PRDM16: variants seen among roughly 807,000 people sequenced by gnomAD.
PRDM16 encodes the protein histone-lysine N-methyltransferase PRDM16.
Under a neutral mutation model 110.6 loss-of-function variants are expected in PRDM16, and 23 were observed. The ratio of observed to expected loss-of-function variants is 0.21; its 90% CI spans 0.15 to 0.29. PRDM16 has a LOEUF of 0.29. Ranked by LOEUF, PRDM16 falls within the 10% of genes least tolerant of loss-of-function variation. The pLI is 1.00. For synonymous variants in PRDM16, 799 were observed against 781.8 expected (o/e 1.02, Z -0.37); for missense variants, 1,615 against 1,794.3 (o/e 0.90, Z 1.81).
intron 3 of PRDM16, among the ~76,000 whole-genome samples, chr1:3,336,217 C>T (rs10797388): frequency 0.38 from 58,026 of 152,054 alleles, 12,197 homozygotes; most frequent in East Asian, 0.68. Context: ...ATCTTATGTG[C>T]GCATGTGTGC....
At position 3,213,384 on chromosome 1, in the gene PRDM16, G is replaced by A. The variant is rs1336713340; in HGVS notation, c.387+26910G>A. Among the ~76,000 whole-genome samples, 2 of 152,108 alleles carry A rather than the reference G, an allele frequency of 1.3e-5. No individual in the cohort carries two copies. The highest frequency in any genetic ancestry group is 2.4e-5 in the African/African-American group (1 of 41,420). ...GAGAGGGGTGTGGGGGCGGGATGGCGGGTCCTGGGCGTCTCGGCTCCGCCA... is the reference window on the plus strand; with the variant it reads ...GAGAGGGGTGTGGGGGCGGGATGGCAGGTCCTGGGCGTCTCGGCTCCGCCA... On this transcript the variant is annotated intron_variant, in intron 2 of 16. Transcript: ENST00000270722. The surrounding 1 kb of genome is among the most constrained non-coding windows in gnomAD (Gnocchi z 5.3).
chr1:3,355,168 G>A (rs561932522), intron 3 of PRDM16, among the ~76,000 whole-genome samples: 2 of 152,162 alleles, frequency 1.3e-5, no homozygotes, highest in African/African-American at 2.4e-5. Context: ...AGACCTGAAG[G>A]TGTGCCGGGG....
At chr1:3,333,142 C>T (rs1295823680) in intron 3 of PRDM16, among the ~76,000 whole-genome samples, 1 of 152,214 alleles carries the variant, frequency 6.6e-6, no homozygotes, top group Non-Finnish European at 1.5e-5. Flanking sequence ...CCTCAGCTTA[C>T]AGTGGCAGAG....
chr1:3,336,901 G>A (rs1642168537), intron 3 of PRDM16, among the ~76,000 whole-genome samples: 1 of 151,798 alleles, frequency 6.6e-6, no homozygotes, highest in Non-Finnish European at 1.5e-5. Context: ...ATGTGTGTTG[G>A]TGTGAGTCTG....
At chr1:3,283,439 A>C (rs759158115) in intron 3 of PRDM16, among the ~76,000 whole-genome samples, 19 of 152,238 alleles carry the variant, frequency 1.2e-4, no homozygotes, top group Non-Finnish European at 2.6e-4. Flanking sequence ...ATGGCATAGG[A>C]CAGCCCCAGG....
intron 2 of PRDM16, among the ~76,000 whole-genome samples, chr1:3,192,409 G>A (rs1439728638): frequency 6.6e-6 from 1 of 152,182 alleles, no homozygotes; most frequent in Non-Finnish European, 1.5e-5. Context: ...GTGTTAGGAG[G>A]AGACCCTAAG....
intron 2 of PRDM16, among the ~76,000 whole-genome samples, chr1:3,203,468 G>T (rs1286066725): frequency 6.6e-6 from 1 of 152,238 alleles, no homozygotes; most frequent in African/African-American, 2.4e-5. Flanking sequence ...AAGGTGCCAT[G>T]TGCTGCATGG....
intron 3 of PRDM16, among the ~76,000 whole-genome samples, chr1:3,349,735 G>A (rs1282889226): frequency 6.6e-6 from 1 of 152,144 alleles, no homozygotes; most frequent in African/African-American, 2.4e-5. Context: ...GGTCTTCAAA[G>A]CTCCCTGGCT....
At position 3,437,450 on chromosome 1, in the gene PRDM16, C is replaced by A. The variant is rs574943574; in HGVS notation, c.*3639C>A. 1 of 231,112 alleles carries A rather than the reference C, an allele frequency of 4.3e-6. No individual in the cohort carries two copies. Among genetic ancestry groups the A allele is most frequent in the Non-Finnish European group, 8.6e-6 (1 of 116,690 alleles). The allele number at this position is 231,112 out of a possible 1,614,324, so 14.3% of individuals were successfully genotyped here. ...CCCCTGCCCAAGTGACTGAAACCTA[C>A]TGAGCTATATTCACTGTGCTGTCCT... On this transcript the variant is annotated 3_prime_UTR_variant, in exon 17 of 17. Transcript: ENST00000270722.
At chr1:3,317,781 T>C (rs922901244) in intron 3 of PRDM16, among the ~76,000 whole-genome samples, 6 of 152,228 alleles carry the variant, frequency 3.9e-5, no homozygotes, top group Non-Finnish European at 7.3e-5. Context: ...ACATTTCTTA[T>C]AGGATTACTC....
At chr1:3,399,734 A>G (rs913581117) in intron 5 of PRDM16, among the ~76,000 whole-genome samples, 9 of 152,232 alleles carry the variant, frequency 5.9e-5, no homozygotes, top group African/African-American at 2.2e-4. Flanking sequence ...GGAAAAAATA[A>G]GTTGGTCAAT....
chr1:3,435,677 C>T lies in PRDM16; in HGVS notation c.*1866C>T, dbSNP rs910983975. 2 of 232,574 alleles carry T rather than the reference C, an allele frequency of 8.6e-6. No individual in the cohort carries two copies. The highest frequency in any genetic ancestry group is 1.7e-5 in the Non-Finnish European group (2 of 117,786). The allele number at this position is 232,574 out of a possible 1,614,324, so 14.4% of individuals were successfully genotyped here. ...TTTGTGTCACGTGTGGACATCTCCT[C>T]AGGCTTTGTGTCACGCGTGGACATC... On this transcript the variant is annotated 3_prime_UTR_variant, in exon 17 of 17. Transcript: ENST00000270722.
At chr1:3,327,373 C>A (rs925981096) in intron 3 of PRDM16, among the ~76,000 whole-genome samples, 6 of 152,304 alleles carry the variant, frequency 3.9e-5, no homozygotes, top group African/African-American at 1.2e-4. Context: ...GGTCCTGCCC[C>A]CTCTGCCTCC....
chr1:3,223,352 G>A (rs2651891), intron 2 of PRDM16, among the ~76,000 whole-genome samples: 17,363 of 151,896 alleles, frequency 0.11, 2,454 homozygotes, highest in African/African-American at 0.33. Flanking sequence ...GCCTGTTATC[G>A]TTTGGCTGCT....
intron 3 of PRDM16, among the ~76,000 whole-genome samples, chr1:3,282,754 G>A (rs1342006943): frequency 1.3e-5 from 2 of 152,150 alleles, no homozygotes; most frequent in African/African-American, 4.8e-5. Flanking sequence ...TTTCTCCCTA[G>A]GGAGGAGACA....
intron 2 of PRDM16, among the ~76,000 whole-genome samples, chr1:3,192,999 G>C (rs75625656): frequency 0.012 from 1,835 of 152,232 alleles, 66 homozygotes; most frequent in East Asian, 0.1. Flanking sequence ...GGAAGGACCC[G>C]GCCAGACAGC....
At position 3,359,015 on chromosome 1, in the gene PRDM16, C is replaced by G. The variant is rs138015068; in HGVS notation, c.439-26137C>G. On this transcript the variant is annotated intron_variant, in intron 3 of 16. Transcript: ENST00000270722. This position sits in a 1 kb window ranked among gnomAD's most constrained non-coding sequence, Gnocchi z 4.3. ...TTACAGCCAGTTGACTCGCGGAGTC[C>G]TCACTGGCCAACTAGAGTCTTCAAA... Among the ~76,000 whole-genome samples the G allele has an allele frequency of 3.0e-4, 45 of 152,310 alleles. No individual in the cohort carries two copies. Among genetic ancestry groups the G allele is most frequent in the African/African-American group, 1.1e-3 (45 of 41,572 alleles).
intron 5 of PRDM16, among the ~76,000 whole-genome samples, chr1:3,401,044 A>G (rs1309047705): frequency 6.6e-6 from 1 of 151,926 alleles, no homozygotes; most frequent in Non-Finnish European, 1.5e-5. Context: ...TGGAATCCCC[A>G]CCTTGGGCAC....
rs1570100885 is a variant in PRDM16, at chr1:3,339,019, G to C, written c.439-46133G>C. On this transcript the variant is annotated intron_variant, in intron 3 of 16. Transcript: ENST00000270722. The surrounding 1 kb of genome is among the most constrained non-coding windows in gnomAD (Gnocchi z 5.0). ...CCCCAGCAGCTGCCATTCAGGCCAA[G>C]GAGAGGCAGTTTGGAGCCCTGCTGC... Among the ~76,000 whole-genome samples, 1 of 152,314 alleles carries C rather than the reference G, an allele frequency of 6.6e-6. No homozygotes were observed. Among genetic ancestry groups the C allele is most frequent in the East Asian group, 1.9e-4 (1 of 5,166 alleles).
Sources: gnomAD v4.1 joint callset for allele counts (sites outside exome capture counted in the v4.1 genomes callset) on GRCh38, gnomAD v4.1.1 for gene constraint, Gnocchi (gnomAD v3.1) non-coding constraint, MANE v1.5 for transcripts, NCBI Gene and HGNC (gene_info 2026-07-23, HGNC 2026-07-21) for gene names.